The following CATIP variants were observed in gnomAD, a reference collection of about 807,000 sequenced individuals.
CATIP encodes the protein ciliogenesis-associated TTC17-interacting protein.
In CATIP, 40 loss-of-function variants were observed where a neutral mutation model predicts 42.5. The ratio of observed to expected loss-of-function variants is 0.94; its 90% CI spans 0.73 to 1.22. The LOEUF (loss-of-function observed/expected upper bound fraction) is 1.22. Ranked by LOEUF, CATIP falls within the 50% of genes most tolerant of loss-of-function variation. The pLI, the probability that CATIP is intolerant of heterozygous loss-of-function variation, is 0.00. For missense variants in CATIP, 489 were observed against 496.0 expected (o/e 0.99, Z 0.13); for synonymous variants, 222 against 200.2 (o/e 1.11, Z -0.92).
At chr2:218,360,809 A>T (rs2106311943) in intron 5 of CATIP, 150 bp downstream of exon 5, 2 of 537,164 alleles carry the variant, frequency 3.7e-6, no homozygotes, top group Non-Finnish European at 6.6e-6. Flanking sequence ...AATGGGCCCA[A>T]AGTGGTTGGG....
intron 4 of CATIP, among the ~76,000 whole-genome samples, chr2:218,359,339 C>T (rs1219208139): frequency 1.3e-5 from 1 of 76,642 alleles, no homozygotes; most frequent in African/African-American, 8.9e-5. Context: ...GAGACTCTGT[C>T]TCAAAAAAAA....
chr2:218,358,247 G>A (rs1223026088), intron 4 of CATIP, among the ~76,000 whole-genome samples, 155 bp downstream of exon 4: 1 of 152,180 alleles, frequency 6.6e-6, no homozygotes, highest in African/African-American at 2.4e-5. Flanking sequence ...AAGCTCAAAA[G>A]CAACGCACTT....
chr2:218,357,789 T>C, intron 3 of CATIP, 55 bp downstream of exon 3: 1 of 1,528,574 alleles, frequency 6.5e-7, no homozygotes, highest in Non-Finnish European at 9.0e-7. Context: ...AACCCTCCCC[T>C]CCACCAATTC....
In CATIP at chr2:218,357,133, T is replaced by G. The variant is rs202093757; in HGVS notation, c.64T>G (p.Cys22Gly). Residue 22 changes from cysteine (C) to glycine (G), a missense_variant, in exon 2 of 10, where the codon TGT becomes GGT. By Grantham distance (159) the Cys-to-Gly change is radical. Transcript: ENST00000289388. ...AKDHQPSGPE[C>G]LPLPEANAEA... ...GGACCACCAGCCCTCGGGTCCGGAG[T>G]GTCTGCCACTCCCAGAGGCCAATGC... The G allele has an allele frequency of 6.2e-7, 1 of 1,613,688 alleles. No homozygotes were observed. Among genetic ancestry groups the G allele is most frequent in the Non-Finnish European group, 8.5e-7 (1 of 1,179,924 alleles).
In CATIP at chr2:218,368,032, G is replaced by A; in HGVS notation, c.*68G>A. 1.4e-6 allele frequency: 2 copies of A among 1,438,666 alleles called. No homozygotes were observed. The highest frequency in any genetic ancestry group is 1.8e-6 in the Non-Finnish European group (2 of 1,102,676). The allele number at this position is 1,438,666 out of a possible 1,614,324, so 89.1% of individuals were successfully genotyped here. On this transcript the variant is annotated 3_prime_UTR_variant, in exon 10 of 10. Transcript: ENST00000289388. ...CTGGGACGCGGGCGGGACGCGCCGGGGCGGGTGCGCTTTCCGGGCTGCGGT... is the reference window on the plus strand; with the variant it reads ...CTGGGACGCGGGCGGGACGCGCCGGAGCGGGTGCGCTTTCCGGGCTGCGGT...
rs1366910689 is a variant in CATIP at position 218,367,522 on chromosome 2, A to G, written c.921+4A>G. ...TTCGAAGTTCCTGGACCGGAAGGTG[A>G]GGGGAGGCTCCACCAGCCTGGGGTT... On this transcript the variant is annotated splice_donor_region_variant and intron_variant, in intron 9 of 9. Transcript: ENST00000289388. 5 of 1,613,968 alleles carry G rather than the reference A, an allele frequency of 3.1e-6. No individual in the cohort carries two copies. Among genetic ancestry groups the G allele is most frequent in the Admixed American group, 1.7e-5 (1 of 60,026 alleles).
chr2:218,364,891 T>C, intron 7 of CATIP, 139 bp downstream of exon 7: 1 of 973,650 alleles, frequency 1.0e-6, no homozygotes, highest in South Asian at 1.7e-5. Flanking sequence ...TATCATTCAC[T>C]CTTTCTTCAT....
rs531151640 is a variant in CATIP, at chr2:218,363,101, G to C, written c.630+199G>C. On this transcript the variant is annotated intron_variant, in intron 6 of 9. Transcript: ENST00000289388. ...GGGCAGATGAATTGAGAGTGACTGAGAAGTGGGAACAGTTCAGAGAAGCAA... is the reference window on the plus strand; with the variant it reads ...GGGCAGATGAATTGAGAGTGACTGACAAGTGGGAACAGTTCAGAGAAGCAA... Among the ~76,000 whole-genome samples the C allele has an allele frequency of 3.3e-5, 5 of 152,266 alleles. No homozygotes were observed. The South Asian group carries it at 8.3e-4, about 25-fold the overall frequency.
At chr2:218,364,893 TTTC>T (rs774623033) in intron 7 of CATIP, 141 bp downstream of exon 7, 19 of 964,080 alleles carry the variant, frequency 2.0e-5, no homozygotes, top group Non-Finnish European at 2.3e-5. Flanking sequence ...TCATTCACTC[TTTC>T]TTCATTTATT....
chr2:218,368,000 G>T lies in CATIP; in HGVS notation c.*36G>T, dbSNP rs931885558. On this transcript the variant is annotated 3_prime_UTR_variant, in exon 10 of 10. Transcript: ENST00000289388. The stretch of plus-strand genomic sequence containing the variant: ...GGCCCGGACAGGGCAGGAAACCAGG[G>T]GTCGGGCTGGGACGCGGGCGGGACG... 5 of 1,490,960 alleles carry T rather than the reference G, an allele frequency of 3.4e-6. No individual in the cohort carries two copies. The highest frequency in any genetic ancestry group is 4.4e-6 in the Non-Finnish European group (5 of 1,125,972). 92.4% of individuals were successfully genotyped at this position (1,490,960 alleles called of 1,614,324 possible). A position where few individuals can be genotyped will look rare whatever the true frequency, so the allele number is the denominator to read the frequency against.
intron 6 of CATIP, 54 bp downstream of exon 6, chr2:218,362,956 G>T: frequency 6.5e-7 from 1 of 1,539,488 alleles, no homozygotes. Flanking sequence ...TAGAAAAGGC[G>T]TGAAAAGCAC....
Position 218,366,861 on chromosome 2 carries a change from C to T in CATIP, c.756-163C>T, listed in dbSNP as rs1574745736. Reference sequence around the variant, plus strand: ...ACCCTTTTCTCATAAGGGCACTAATCCTATCTGATTCGGGCCCCACCCTTA... The same window carrying T: ...ACCCTTTTCTCATAAGGGCACTAATTCTATCTGATTCGGGCCCCACCCTTA... On this transcript the variant is annotated intron_variant, in intron 7 of 9. Transcript: ENST00000289388. The T allele has an allele frequency of 4.5e-6, 3 of 662,996 alleles. No individual in the cohort carries two copies. In the East Asian group the frequency reaches 8.4e-5, roughly 19 times the overall value. 41.1% of individuals were successfully genotyped at this position (662,996 alleles called of 1,614,324 possible).
intron 3 of CATIP, 52 bp downstream of exon 3, chr2:218,357,786 C>T (rs1206856467): frequency 1.9e-6 from 3 of 1,539,304 alleles, no homozygotes; most frequent in Non-Finnish European, 2.7e-6. Context: ...TCCAACCCTC[C>T]CCTCCACCAA....
rs1695093995 is a variant in CATIP at position 218,357,944 on chromosome 2, C to T, written c.320-93C>T. The T allele has an allele frequency of 4.0e-6, 5 of 1,256,548 alleles. No individual in the cohort carries two copies. The Admixed American group carries it at 6.8e-5, about 17-fold the overall frequency. 77.8% of individuals were successfully genotyped at this position (1,256,548 alleles called of 1,614,324 possible). On this transcript the variant is annotated intron_variant, in intron 3 of 9. Coordinates refer to ENST00000289388, the MANE Select transcript of CATIP (RefSeq NM_198559.2). ...CTGTAGTTTTTCTGGGACCGTATTACACCTAGTCCTCCAGCTGCGCCACCA... is the reference window on the plus strand; with the variant it reads ...CTGTAGTTTTTCTGGGACCGTATTATACCTAGTCCTCCAGCTGCGCCACCA...
At chr2:218,361,842 C>T (rs552253593) in intron 5 of CATIP, among the ~76,000 whole-genome samples, 12 of 152,088 alleles carry the variant, frequency 7.9e-5, no homozygotes, top group Non-Finnish European at 1.8e-4. Flanking sequence ...GAACTCTGAG[C>T]GGGGACCAGA....
rs575286855 is a variant in CATIP, at chr2:218,367,943, C to T, written c.1143C>T (p.Asp381=). ...TCCGCTCCCTGGAGCCGGAGGGAGA[C>T]GCCCGCTCGGGGGCGGCCTAAGCGG... The part of the protein sequence containing the change: ...NPFRSLEPEG[D]ARSGAA Residue 381 remains aspartate, a synonymous_variant, in exon 10 of 10, where the codon GAC becomes GAT. Transcript: ENST00000289388. The T allele has an allele frequency of 4.1e-5, 65 of 1,597,280 alleles. No individual in the cohort carries two copies. In the South Asian group the frequency reaches 7.3e-4, roughly 18 times the overall value.
chr2:218,360,008 T>C (rs999548415), intron 4 of CATIP, among the ~76,000 whole-genome samples: 1 of 151,736 alleles, frequency 6.6e-6, no homozygotes, highest in Admixed American at 6.6e-5. Context: ...GTATCTTTAA[T>C]AGAGATGGGG....
At position 218,366,658 on chromosome 2, in the gene CATIP, G is replaced by A. The variant is rs1574745476; in HGVS notation, c.756-366G>A. The stretch of plus-strand genomic sequence containing the variant: ...TAGGCTGCCATAACAAAACACCACA[G>A]GCTGGGTGGCTTCAAGAGAAATATA... On this transcript the variant is annotated intron_variant, in intron 7 of 9. Coordinates refer to ENST00000289388, the MANE Select transcript of CATIP (RefSeq NM_198559.2). 3 of 329,930 alleles carry A rather than the reference G, an allele frequency of 9.1e-6. No homozygotes were observed. The East Asian group carries it at 2.7e-4, about 30-fold the overall frequency. The allele number at this position is 329,930 out of a possible 1,614,324, so 20.4% of individuals were successfully genotyped here.
chr2:218,366,248 A>C (rs900009708), intron 7 of CATIP: 2 of 152,180 alleles, frequency 1.3e-5, no homozygotes, highest in African/African-American at 4.8e-5. Context: ...CACAGCCACC[A>C]AAATAGCTGG....
Sources: allele counts gnomAD v4.1 joint callset (sites outside exome capture counted in the v4.1 genomes callset), GRCh38; gene constraint gnomAD v4.1.1; transcripts MANE v1.5; gene names NCBI Gene and HGNC (gene_info 2026-07-23, HGNC 2026-07-21).